Variants in DGKI observed in about 807,000 individuals in gnomAD.
The protein encoded by DGKI is diacylglycerol kinase iota.
In DGKI, 55 loss-of-function variants were observed where a neutral mutation model predicts 147.5. The ratio of observed to expected loss-of-function variants is 0.37; its 90% CI spans 0.30 to 0.47. The LOEUF (loss-of-function observed/expected upper bound fraction) is 0.47, where lower values mean the gene tolerates loss of function less well. DGKI is among the 20% of genes least tolerant of loss of function. DGKI has a pLI of 1.00. For missense variants in DGKI, 1,007 were observed against 1,323.8 expected, an observed-to-expected ratio of 0.76 and a Z score of 3.71; for synonymous variants, 469 against 477.1, an observed-to-expected ratio of 0.98 and a Z score of 0.22.
chr7:137,412,039 T>C, intron 29 of DGKI, 131 bp downstream of exon 29: 1 of 857,626 alleles, frequency 1.2e-6, no homozygotes, highest in East Asian at 2.6e-5. Flanking sequence ...AAGAACATCC[T>C]GCCTCTTCTA....
chr7:137,412,104 A>G, intron 29 of DGKI, 66 bp downstream of exon 29: 1 of 1,421,568 alleles, frequency 7.0e-7, no homozygotes. Context: ...TAGAGTTTTG[A>G]TGAGGAATGA....
At chr7:137,790,316 A>G (rs1370164525) in intron 1 of DGKI, among the ~76,000 whole-genome samples, 1 of 152,090 alleles carries the variant, frequency 6.6e-6, no homozygotes, top group Admixed American at 6.6e-5. Flanking sequence ...TGCTGCATTC[A>G]AAGCCAGAGA....
At chr7:137,761,677 G>T (rs970169746) in intron 1 of DGKI, among the ~76,000 whole-genome samples, 3 of 152,064 alleles carry the variant, frequency 2.0e-5, no homozygotes, top group Non-Finnish European at 4.4e-5. Context: ...ACAGATTCCT[G>T]TTCTGGACCA....
At chr7:137,540,429 T>C (rs372990070) in intron 20 of DGKI, among the ~76,000 whole-genome samples, 4 of 152,306 alleles carry the variant, frequency 2.6e-5, no homozygotes, top group Non-Finnish European at 5.9e-5. Flanking sequence ...TGCTGGACTA[T>C]GTAGAAAATC....
intron 20 of DGKI, among the ~76,000 whole-genome samples, chr7:137,540,909 A>T (rs1211379299): frequency 6.6e-6 from 1 of 152,172 alleles, no homozygotes; most frequent in Non-Finnish European, 1.5e-5. Context: ...GAAGAGACAC[A>T]GAGAATTTAT....
intron 5 of DGKI, among the ~76,000 whole-genome samples, chr7:137,650,089 G>C (rs1224632446): frequency 6.6e-6 from 1 of 152,056 alleles, no homozygotes; most frequent in African/African-American, 2.4e-5. Context: ...GTAGTAGTAA[G>C]AATTCTTAAT....
chr7:137,587,755 A>G (rs1234511519), intron 12 of DGKI, among the ~76,000 whole-genome samples: 1 of 152,216 alleles, frequency 6.6e-6, no homozygotes, highest in Non-Finnish European at 1.5e-5. Context: ...GTTGCCCTCT[A>G]TAGTATCATC....
At position 137,678,589 on chromosome 7, in the gene DGKI, G is replaced by GGTA; in HGVS notation, c.571_573dup (p.Tyr191dup). The GGTA allele has an allele frequency of 1.9e-6, 3 of 1,614,102 alleles. No homozygotes were observed. The highest frequency in any genetic ancestry group is 2.5e-6 in the Non-Finnish European group (3 of 1,179,980). On this transcript the variant is annotated inframe_insertion, in exon 3 of 33. Coordinates refer to ENST00000614521, the MANE Select transcript of DGKI (RefSeq NM_001321708.2). ...CTGACTTGGCAGTTCTCCTCTCCAA[G>GGTA]GTAGCAGAGGTCTCCCGAGACGTTG... is the stretch of plus-strand genomic sequence containing the variant.
At chr7:137,458,946 C>T (rs1167437476) in intron 27 of DGKI, among the ~76,000 whole-genome samples, 1 of 152,158 alleles carries the variant, frequency 6.6e-6, no homozygotes, top group Non-Finnish European at 1.5e-5. Context: ...CAGTCAACCA[C>T]TTCTCACCAA....
At chr7:137,562,839 GA>G (rs886256701) in intron 19 of DGKI, among the ~76,000 whole-genome samples, 2 of 151,946 alleles carry the variant, frequency 1.3e-5, no homozygotes, top group Non-Finnish European at 1.5e-5. Flanking sequence ...AATATATAAG[GA>G]AAAAAATCAT....
chr7:137,643,751 C>A (rs1363784118), intron 6 of DGKI, among the ~76,000 whole-genome samples: 1 of 152,170 alleles, frequency 6.6e-6, no homozygotes, highest in Non-Finnish European at 1.5e-5. Flanking sequence ...ACCATGCCAA[C>A]AAGAGGCCAG....
intron 1 of DGKI, among the ~76,000 whole-genome samples, chr7:137,818,431 T>A (rs916704420): frequency 1.3e-5 from 2 of 152,102 alleles, no homozygotes; most frequent in Admixed American, 1.3e-4. Flanking sequence ...CCACAATTTT[T>A]TTGTTTGTTT....
chr7:137,426,334 C>A (rs377380963), intron 28 of DGKI, among the ~76,000 whole-genome samples: 2 of 152,256 alleles, frequency 1.3e-5, no homozygotes, highest in East Asian at 3.9e-4. Flanking sequence ...AAATACTTTA[C>A]AGACAAGCAA....
At chr7:137,724,355 G>A (rs1469665825) in intron 1 of DGKI, among the ~76,000 whole-genome samples, 1 of 152,168 alleles carries the variant, frequency 6.6e-6, no homozygotes, top group Non-Finnish European at 1.5e-5. Context: ...ACATCTTTAT[G>A]TTTTCAAGGG....
intron 20 of DGKI, 60 bp downstream of exon 20, chr7:137,552,309 C>T (rs770212396): frequency 3.0e-5 from 47 of 1,567,756 alleles, no homozygotes; most frequent in Non-Finnish European, 3.8e-5. Context: ...CATGCACATG[C>T]TCTGCACTCT....
intron 26 of DGKI, among the ~76,000 whole-genome samples, chr7:137,464,485 C>G (rs1034711816): frequency 1.3e-5 from 2 of 152,106 alleles, no homozygotes; most frequent in African/African-American, 2.4e-5. Context: ...ATGTGCCCCA[C>G]GAAGTTGGCC....
chr7:137,410,727 T>A (rs2128900504), intron 29 of DGKI, among the ~76,000 whole-genome samples: 1 of 152,304 alleles, frequency 6.6e-6, no homozygotes, highest in South Asian at 2.1e-4. Context: ...CTTTGCAAAA[T>A]TTTCTGGTGT....
intron 27 of DGKI, 123 bp downstream of exon 27, chr7:137,463,366 C>T (rs985730863): frequency 2.9e-6 from 4 of 1,374,998 alleles, no homozygotes; most frequent in South Asian, 1.4e-5. Flanking sequence ...AGAGTAGCAC[C>T]TGCATGAGAC....
At chr7:137,661,653 A>T (rs1234563340) in intron 3 of DGKI, among the ~76,000 whole-genome samples, 1 of 152,070 alleles carries the variant, frequency 6.6e-6, no homozygotes, top group Non-Finnish European at 1.5e-5. Flanking sequence ...GAAGGCTGAA[A>T]ATCAAGCAAA....
Sources: allele counts gnomAD v4.1 joint callset (sites outside exome capture counted in the v4.1 genomes callset), GRCh38; gene constraint gnomAD v4.1.1; transcripts MANE v1.5; gene names NCBI Gene and HGNC (gene_info 2026-07-23, HGNC 2026-07-21).